B3GNT5: variants seen among roughly 807,000 people sequenced by gnomAD.
The protein encoded by B3GNT5 is UDP-GlcNAc:betaGal beta-1,3-N-acetylglucosaminyltransferase 5.
In B3GNT5, 11 loss-of-function variants were observed where a neutral mutation model predicts 25.9. The observed-to-expected ratio is 0.42, with a 90% CI of 0.27 to 0.70. The LOEUF (loss-of-function observed/expected upper bound fraction) is 0.70. Ranked by LOEUF, B3GNT5 falls within the 30% of genes least tolerant of loss-of-function variation. The probability of loss-of-function intolerance (pLI) is 0.23; values close to 1 mark genes in which losing one functional copy is unlikely to be tolerated. For missense variants in B3GNT5, 385 were observed against 458.4 expected (o/e 0.84, Z 1.46); for synonymous variants, 166 against 158.6 (o/e 1.05, Z -0.35).
At chr3:183,259,407 A>T (rs946570168) in intron 1 of B3GNT5, among the ~76,000 whole-genome samples, 1 of 152,158 alleles carries the variant, frequency 6.6e-6, no homozygotes, top group Non-Finnish European at 1.5e-5. Flanking sequence ...ACTCTTATTG[A>T]TAGGAGAACT....
intron 1 of B3GNT5, chr3:183,253,775 C>T (rs1453184231): frequency 6.6e-6 from 1 of 152,350 alleles, no homozygotes; most frequent in African/African-American, 2.4e-5. Flanking sequence ...CCAGCACAGT[C>T]CGCCTCTTGG....
rs1009507056 is a variant in B3GNT5, at chr3:183,271,484, C to T, written c.*549C>T. On this transcript the variant is annotated 3_prime_UTR_variant, in exon 2 of 2. Transcript: ENST00000326505. The stretch of plus-strand genomic sequence containing the variant: ...AAAATGTGTACAATGTTATTATAAA[C>T]AGACAAATCACGTCTTACCACATCC... The T allele has an allele frequency of 6.0e-6, 1 of 167,108 alleles. No homozygotes were observed. The highest frequency in any genetic ancestry group is 2.4e-5 in the African/African-American group (1 of 41,458). The allele number at this position is 167,108 out of a possible 1,614,324, so 10.4% of individuals were successfully genotyped here.
chr3:183,270,774 T>C lies in B3GNT5; in HGVS notation c.976T>C (p.Leu326=), dbSNP rs766561846. Reference sequence around the variant, plus strand: ...AAAAATGATGACATCTCATGGACACTTAGAAGATCTCCAGGACCTTTGGAA... The same window carrying C: ...AAAAATGATGACATCTCATGGACACCTAGAAGATCTCCAGGACCTTTGGAA... The part of the protein sequence containing the change: ...YEKMMTSHGH[L]EDLQDLWKNA... Residue 326 remains leucine (L), a synonymous_variant, in exon 2 of 2, where the codon TTA becomes CTA. Transcript: ENST00000326505. The surrounding 1 kb of genome is among the most constrained non-coding windows in gnomAD (Gnocchi z 4.5). The C allele has an allele frequency of 9.9e-6, 16 of 1,613,854 alleles. No individual in the cohort carries two copies. The highest frequency in any genetic ancestry group is 1.3e-5 in the African/African-American group (1 of 74,908).
At position 183,273,355 on chromosome 3, in the gene B3GNT5, C is replaced by A. The variant is rs1726950828; in HGVS notation, c.*2420C>A. On this transcript the variant is annotated 3_prime_UTR_variant, in exon 2 of 2. Coordinates refer to ENST00000326505, the MANE Select transcript of B3GNT5 (RefSeq NM_032047.5). ...AATAATTAGTGAGTTTAAAAAAAAT[C>A]TATAGTTTCCAATAAACAACTGAAA... The A allele has an allele frequency of 1.4e-5, 3 of 221,832 alleles. No individual in the cohort carries two copies. Among genetic ancestry groups the A allele is most frequent in the Non-Finnish European group, 2.8e-5 (3 of 105,706 alleles). 13.7% of individuals were successfully genotyped at this position (221,832 alleles called of 1,614,324 possible). A position where few individuals can be genotyped will look rare whatever the true frequency, so the allele number is the denominator to read the frequency against.
At chr3:183,264,405 G>A (rs1401300621) in intron 1 of B3GNT5, among the ~76,000 whole-genome samples, 3 of 152,184 alleles carry the variant, frequency 2.0e-5, no homozygotes, top group Non-Finnish European at 4.4e-5. Context: ...TACCTTACCA[G>A]GATTTGCCCA....
Position 183,270,574 on chromosome 3 carries a change from T to A in B3GNT5, c.776T>A (p.Val259Glu), listed in dbSNP as rs1162400852. ...YPDYTAGAAY[V>E]ISGDVAAKVY... ...GACTACACAGCCGGAGCTGCCTATG[T>A]AATCTCCGGTGATGTAGCTGCCAAA... The change falls in exon 2 of 2, where the codon GTA becomes GAA. Residue 259 changes from valine (V) to glutamate (E), a missense_variant. Physicochemically the swap from Val to Glu is moderately radical, Grantham distance 121 (BLOSUM62 -2). Coordinates refer to ENST00000326505, the MANE Select transcript of B3GNT5 (RefSeq NM_032047.5). The surrounding 1 kb of genome is among the most constrained non-coding windows in gnomAD (Gnocchi z 4.5). The A allele has an allele frequency of 6.2e-7, 1 of 1,614,194 alleles. No homozygotes were observed. Among genetic ancestry groups the A allele is most frequent in the Non-Finnish European group, 8.5e-7 (1 of 1,180,024 alleles).
In B3GNT5 at chr3:183,264,945, A is replaced by G. The variant is rs1725955998; in HGVS notation, c.-301-4553A>G. ...ATTCTTTATTCTTCTGACTACCTCT[A>G]TTAGAAAAGATAATACTAAGAATAC... On this transcript the variant is annotated intron_variant, in intron 1 of 1. Transcript: ENST00000326505. Among the ~76,000 whole-genome samples the G allele has an allele frequency of 2.0e-5, 3 of 152,194 alleles. No homozygotes were observed. In the South Asian group the frequency reaches 6.2e-4, roughly 31 times the overall value.
chr3:183,257,694 T>C (rs987515270), intron 1 of B3GNT5, among the ~76,000 whole-genome samples: 7 of 152,254 alleles, frequency 4.6e-5, no homozygotes, highest in Admixed American at 3.9e-4. Context: ...GAATGGGACG[T>C]AGGAACTGCC....
intron 1 of B3GNT5, among the ~76,000 whole-genome samples, chr3:183,262,011 TATGA>T (rs1725637324): frequency 1.4e-5 from 2 of 143,952 alleles, no homozygotes; most frequent in African/African-American, 5.1e-5. Context: ...TATATATATA[TATGA>T]ATATTTATTA....
At chr3:183,257,958 C>CTT (rs35323502) in intron 1 of B3GNT5, among the ~76,000 whole-genome samples, 2,231 of 64,568 alleles carry the variant, frequency 0.035, 737 homozygotes, top group East Asian at 0.054. Context: ...CCACTTCACC[C>CTT]TTTTTTTTTT....
chr3:183,260,529 A>G (rs1158391566), intron 1 of B3GNT5, among the ~76,000 whole-genome samples: 1 of 152,144 alleles, frequency 6.6e-6, no homozygotes, highest in Admixed American at 6.5e-5. Context: ...TGCATAATCA[A>G]ACTGGTTACT....
intron 1 of B3GNT5, among the ~76,000 whole-genome samples, chr3:183,262,196 G>C (rs906096206): frequency 4.0e-5 from 6 of 150,078 alleles, no homozygotes; most frequent in Non-Finnish European, 8.9e-5. Context: ...TACACTAAGG[G>C]TTAGTCTTGT....
chr3:183,270,882 C>T lies in B3GNT5; in HGVS notation c.1084C>T (p.Leu362Phe). The T allele has an allele frequency of 6.2e-7, 1 of 1,608,050 alleles. No homozygotes were observed. The highest frequency in any genetic ancestry group is 8.5e-7 in the Non-Finnish European group (1 of 1,178,080). The change falls in exon 2 of 2, where the codon CTT becomes TTT. Residue 362 changes from leucine to phenylalanine, a missense_variant. Leu to Phe is a conservative substitution (Grantham distance 22, BLOSUM62 0). Coordinates refer to ENST00000326505, the MANE Select transcript of B3GNT5 (RefSeq NM_032047.5). This position sits in a 1 kb window ranked among gnomAD's most constrained non-coding sequence, Gnocchi z 4.5. ...CTGCAGATTAATGAAGATAATTCTC[C>T]TTTGTAAAATTAGCTATGTGGACAC... Reference protein sequence around the residue: ...IYCRLMKIILLCKISYVDTYP... With the variant: ...IYCRLMKIILFCKISYVDTYP...
In B3GNT5 at chr3:183,270,640, T is replaced by C. The variant is rs957522638; in HGVS notation, c.842T>C (p.Ile281Thr). ...ASQTLNSSLY[I>T]DDVFMGLCAN... Reference sequence around the variant, plus strand: ...CAGACACTAAATTCAAGTCTTTACATAGACGATGTGTTCATGGGCCTCTGT... The same window carrying C: ...CAGACACTAAATTCAAGTCTTTACACAGACGATGTGTTCATGGGCCTCTGT... Residue 281 changes from isoleucine to threonine, a missense_variant, in exon 2 of 2, where the codon ATA becomes ACA. Physicochemically the swap from Ile to Thr is moderately conservative, Grantham distance 89. Coordinates refer to ENST00000326505, the MANE Select transcript of B3GNT5 (RefSeq NM_032047.5). The surrounding 1 kb of genome is among the most constrained non-coding windows in gnomAD (Gnocchi z 4.5). The C allele has an allele frequency of 4.3e-6, 7 of 1,614,066 alleles. No homozygotes were observed. The highest frequency in any genetic ancestry group is 1.6e-4 in the Middle Eastern group (1 of 6,084).
chr3:183,273,119 C>G lies in B3GNT5; in HGVS notation c.*2184C>G. 1 of 997,712 alleles carries G rather than the reference C, an allele frequency of 1.0e-6. No individual in the cohort carries two copies. Among genetic ancestry groups the G allele is most frequent in the Non-Finnish European group, 1.4e-6 (1 of 693,268 alleles). 61.8% of individuals were successfully genotyped at this position (997,712 alleles called of 1,614,324 possible). A position where few individuals can be genotyped will look rare whatever the true frequency, so the allele number is the denominator to read the frequency against. ...AAAAGAAGGAAAAAACTTTTTGGTGCTCCAGTGTAGGGCTATCTTTTTAAA... is the reference window on the plus strand; with the variant it reads ...AAAAGAAGGAAAAAACTTTTTGGTGGTCCAGTGTAGGGCTATCTTTTTAAA... On this transcript the variant is annotated 3_prime_UTR_variant, in exon 2 of 2. Coordinates refer to ENST00000326505, the MANE Select transcript of B3GNT5 (RefSeq NM_032047.5).
Position 183,270,858 on chromosome 3 carries a change from T to C in B3GNT5, c.1060T>C (p.Cys354Arg), listed in dbSNP as rs769248798. 10 of 1,612,762 alleles carry C rather than the reference T, an allele frequency of 6.2e-6. No individual in the cohort carries two copies. The highest frequency in any genetic ancestry group is 5.9e-6 in the Non-Finnish European group (7 of 1,179,588). The part of the protein sequence containing the change: ...ISKGFFGQIY[C>R]RLMKIILLCK... Reference sequence around the variant, plus strand: ...CAAAGGTTTTTTTGGTCAAATATACTGCAGATTAATGAAGATAATTCTCCT... The same window carrying C: ...CAAAGGTTTTTTTGGTCAAATATACCGCAGATTAATGAAGATAATTCTCCT... Residue 354 changes from cysteine to arginine, a missense_variant, in exon 2 of 2, where the codon TGC becomes CGC. By Grantham distance (180) the Cys-to-Arg change is radical. Transcript: ENST00000326505. This position sits in a 1 kb window ranked among gnomAD's most constrained non-coding sequence, Gnocchi z 4.5.
At chr3:183,264,151 G>C (rs915304322) in intron 1 of B3GNT5, among the ~76,000 whole-genome samples, 2 of 152,112 alleles carry the variant, frequency 1.3e-5, no homozygotes, top group African/African-American at 4.8e-5. Context: ...ACCCCCCTAA[G>C]ACTCCTCTAC....
In B3GNT5 at chr3:183,272,018, A is replaced by C; in HGVS notation, c.*1083A>C. 2.3e-6 allele frequency: 1 copy of C among 439,464 alleles called. No homozygotes were observed. Among genetic ancestry groups the C allele is most frequent in the South Asian group, 1.0e-4 (1 of 10,024 alleles). The allele number at this position is 439,464 out of a possible 1,614,324, so 27.2% of individuals were successfully genotyped here. A position where few individuals can be genotyped will look rare whatever the true frequency, so the allele number is the denominator to read the frequency against. ...ATTGAGAGCATTAAACATCAAAGTT[A>C]TAATATCTAAAACAATTTATTTTTC... On this transcript the variant is annotated 3_prime_UTR_variant, in exon 2 of 2. Transcript: ENST00000326505.
intron 1 of B3GNT5, among the ~76,000 whole-genome samples, chr3:183,268,806 T>C (rs149423914): frequency 4.6e-5 from 7 of 152,348 alleles, no homozygotes; most frequent in Non-Finnish European, 1.0e-4. Context: ...GGTGTTCAAA[T>C]TGCCTGACTA....
Sources: gnomAD v4.1 joint callset for allele counts (sites outside exome capture counted in the v4.1 genomes callset) on GRCh38, gnomAD v4.1.1 for gene constraint, Gnocchi (gnomAD v3.1) non-coding constraint, MANE v1.5 for transcripts, NCBI Gene and HGNC (gene_info 2026-07-23, HGNC 2026-07-21) for gene names.